Variants in CORO7 observed in about 807,000 individuals in gnomAD.
CORO7 encodes the protein coronin-7.
In CORO7, 107 loss-of-function variants were observed where a neutral mutation model predicts 126.6. The ratio of observed to expected loss-of-function variants is 0.85; its 90% CI spans 0.72 to 0.99. The LOEUF (loss-of-function observed/expected upper bound fraction) is 0.99, where lower values mean the gene tolerates loss of function less well. CORO7 is among the 50% of genes least tolerant of loss of function. The pLI is 0.00. For missense variants in CORO7, 1,314 were observed against 1,255.8 expected (o/e 1.05, Z -0.70); for synonymous variants, 603 against 536.8 (o/e 1.12, Z -1.70).
Position 4,408,267 on chromosome 16 carries a change from G to T in CORO7, c.233-16C>A. 6.2e-7 allele frequency: 1 copy of T among 1,614,222 alleles called. No individual in the cohort carries two copies. Among genetic ancestry groups the T allele is most frequent in the Non-Finnish European group, 8.5e-7 (1 of 1,180,026 alleles). On this transcript the variant is annotated splice_polypyrimidine_tract_variant and intron_variant, in intron 3 of 27. Transcript: ENST00000251166. ...GTGACTAGGTCTGTGGGAGAGGAAT[G>T]GCTGAACCCACCGGAATGTCCTGTT...
chr16:4,378,636 T>A (rs2054838618), intron 9 of CORO7, among the ~76,000 whole-genome samples: 1 of 152,084 alleles, frequency 6.6e-6, no homozygotes, highest in South Asian at 2.1e-4. Context: ...TGGGGTGGGC[T>A]GGCCGGGCCA....
chr16:4,365,505 C>T lies in CORO7; in HGVS notation c.826G>A (p.Val276Ile). The change falls in exon 10 of 28, where the codon GTC becomes ATC. Residue 276 changes from valine to isoleucine, a missense_variant. Val to Ile is a conservative substitution (Grantham distance 29). Coordinates refer to ENST00000251166, the MANE Select transcript of CORO7 (RefSeq NM_024535.5). ...TTCTCACTCACCTTTCCTGCCAGGA[C>T]CAGGAGCCCAGAGTCAGGGTCCAGC... ...PLLDPDSGLL[V>I]LAGKGERQLY... The T allele has an allele frequency of 3.8e-6, 6 of 1,576,438 alleles. No homozygotes were observed. Among genetic ancestry groups the T allele is most frequent in the Non-Finnish European group, 5.2e-6 (6 of 1,161,362 alleles).
intron 9 of CORO7, chr16:4,381,726 C>T (rs1218944828): frequency 1.2e-6 from 2 of 1,606,284 alleles, no homozygotes; most frequent in Non-Finnish European, 1.7e-6. Flanking sequence ...CTGGCGACCT[C>T]TCGGGCCTCT....
intron 19 of CORO7, 67 bp from the exon 20 acceptor site, chr16:4,360,615 C>T (rs1412573510): frequency 2.0e-6 from 3 of 1,516,480 alleles, no homozygotes; most frequent in East Asian, 4.9e-5. Context: ...CCCCACTGCT[C>T]CTGCCCCTCC....
At chr16:4,411,371 T>A (rs191482512) in intron 3 of CORO7, among the ~76,000 whole-genome samples, 1 of 151,594 alleles carries the variant, frequency 6.6e-6, no homozygotes, top group East Asian at 1.9e-4. Context: ...CCAGCCTGAG[T>A]GACAGAGCAA....
chr16:4,416,490 CG>C lies in CORO7; in HGVS notation c.28del (p.Arg10GlyfsTer35). The part of the protein sequence containing the change: MNRFRVSKF[R>X]HTEARPPRRE... The stretch of plus-strand genomic sequence containing the variant: ...GCGGGGCGGCCGAGCCTCGGTGTGC[CG>C]GAACTTGGACACCCTGAAGCGGTTC... On this transcript the variant is annotated frameshift_variant, in exon 1 of 28. Coordinates refer to ENST00000251166, the MANE Select transcript of CORO7 (RefSeq NM_024535.5). LOFTEE classifies it high-confidence loss of function. The C allele has an allele frequency of 1.3e-6, 2 of 1,579,522 alleles. No individual in the cohort carries two copies. The highest frequency in any genetic ancestry group is 1.7e-6 in the Non-Finnish European group (2 of 1,166,066).
At chr16:4,376,702 C>G (rs1388905398) in intron 9 of CORO7, among the ~76,000 whole-genome samples, 1 of 152,106 alleles carries the variant, frequency 6.6e-6, no homozygotes, top group Non-Finnish European at 1.5e-5. Flanking sequence ...GTTGAGATGA[C>G]GAGTGCCTTG....
intron 7 of CORO7, among the ~76,000 whole-genome samples, chr16:4,394,326 G>A (rs2055502365): frequency 1.3e-5 from 2 of 152,002 alleles, no homozygotes; most frequent in South Asian, 2.1e-4. Context: ...GCGGTCGCCT[G>A]TAGTCCCAGC....
chr16:4,403,763 G>A (rs1221643910), intron 6 of CORO7, among the ~76,000 whole-genome samples: 1 of 152,200 alleles, frequency 6.6e-6, no homozygotes, highest in Non-Finnish European at 1.5e-5. Context: ...CACCACACCT[G>A]TGACAGAGGG....
intron 6 of CORO7, among the ~76,000 whole-genome samples, chr16:4,404,947 A>G (rs2055942234): frequency 6.6e-6 from 1 of 152,106 alleles, no homozygotes; most frequent in Admixed American, 6.6e-5. Context: ...CAACAGGCAC[A>G]ACCCTTACTC....
intron 2 of CORO7, 139 bp downstream of exon 2, chr16:4,413,169 G>T: frequency 1.2e-6 from 1 of 820,574 alleles, no homozygotes. Context: ...GGTCTGGCAT[G>T]GGGCTCACCT....
intron 1 of CORO7, among the ~76,000 whole-genome samples, chr16:4,415,230 C>T (rs2056362825): frequency 6.6e-6 from 1 of 152,270 alleles, no homozygotes; most frequent in Middle Eastern, 3.4e-3. Flanking sequence ...TTGGGTTCTG[C>T]AGGACCACTC....
At position 4,358,466 on chromosome 16, in the gene CORO7, A is replaced by C. The variant is rs1393655723; in HGVS notation, c.2358T>G (p.Pro786=). ...CTTCCCGCACGTCGCACTCCGTCTT[A>C]GGCAGGAGGACGAGGCCCTGGGGGA... is the stretch of plus-strand genomic sequence containing the variant. ...PDPHKGLVLL[P]KTECDVREVE... Residue 786 remains proline (P), a synonymous_variant, in exon 24 of 28, where the codon CCT becomes CCG. Transcript: ENST00000251166. 1.9e-6 allele frequency: 3 copies of C among 1,602,852 alleles called. No homozygotes were observed. The highest frequency in any genetic ancestry group is 2.6e-6 in the Non-Finnish European group (3 of 1,173,122).
At position 4,364,708 on chromosome 16, in the gene CORO7, G is replaced by A; in HGVS notation, c.1045-19C>T. ...CCACAGCCTGGCCGCAGACAAGCAG[G>A]CAGCTAGTGAGGCCCAGGCCCCCCG... On this transcript the variant is annotated intron_variant, in intron 12 of 27. Transcript: ENST00000251166. 6.3e-7 allele frequency: 1 copy of A among 1,587,122 alleles called. No individual in the cohort carries two copies. Among genetic ancestry groups the A allele is most frequent in the Non-Finnish European group, 8.6e-7 (1 of 1,167,420 alleles).
At chr16:4,381,287 G>T in intron 9 of CORO7, 9 of 1,612,222 alleles carry the variant, frequency 5.6e-6, no homozygotes, top group Non-Finnish European at 7.6e-6. Context: ...AACCGCATCC[G>T]CCACATCCAG....
intron 11 of CORO7, 28 bp downstream of exon 11, chr16:4,364,975 G>T: frequency 6.2e-7 from 1 of 1,605,262 alleles, no homozygotes; most frequent in Non-Finnish European, 8.5e-7. Context: ...GGGAGGGTAG[G>T]GGATGGGGGC....
chr16:4,412,773 G>C (rs2056262666), intron 2 of CORO7: 1 of 338,736 alleles, frequency 3.0e-6, no homozygotes, highest in Non-Finnish European at 5.4e-6. Flanking sequence ...AACACCCAAG[G>C]TGGCAGAGCT....
At chr16:4,372,510 G>T (rs1596293077) in intron 9 of CORO7, among the ~76,000 whole-genome samples, 1 of 152,304 alleles carries the variant, frequency 6.6e-6, no homozygotes, top group Non-Finnish European at 1.5e-5. Context: ...GTGGGCGTCC[G>T]ATGCCCATCC....
intron 9 of CORO7, chr16:4,387,709 A>G (rs2055242163): frequency 9.1e-6 from 5 of 548,520 alleles, no homozygotes; most frequent in East Asian, 8.8e-5. Flanking sequence ...AATGCCAAGC[A>G]TACCTGTGTC....
Sources: gnomAD v4.1 joint callset for allele counts (sites outside exome capture counted in the v4.1 genomes callset) on GRCh38, gnomAD v4.1.1 for gene constraint, MANE v1.5 for transcripts, NCBI Gene and HGNC (gene_info 2026-07-23, HGNC 2026-07-21) for gene names.